SPEG: variants seen among roughly 807,000 people sequenced by gnomAD.
The protein encoded by SPEG is striated muscle enriched protein kinase, also known as striated muscle preferentially expressed protein kinase.
A neutral mutation model predicts 300.4 loss-of-function variants in SPEG; 114 were observed. The ratio of observed to expected loss-of-function variants is 0.38; its 90% confidence interval spans 0.33 to 0.44. The LOEUF (loss-of-function observed/expected upper bound fraction) is 0.44, where lower values mean the gene tolerates loss of function less well. Ranked by LOEUF, SPEG falls within the 20% of genes least tolerant of loss-of-function variation. SPEG has a pLI of 1.00. For missense variants in SPEG, 4,201 were observed against 4,586.2 expected (o/e 0.92, Z 2.43); for synonymous variants, 1,964 against 2,018.9 (o/e 0.97, Z 0.73).
In SPEG at chr2:219,444,760, A is replaced by T. The variant is rs1301512923; in HGVS notation, c.478+18A>T. On this transcript the variant is annotated intron_variant, in intron 2 of 40. Coordinates refer to ENST00000312358, the MANE Select transcript of SPEG (RefSeq NM_005876.5). This position sits in a 1 kb window ranked among gnomAD's most constrained non-coding sequence, Gnocchi z 7.8. Reference sequence around the variant, plus strand: ...CCCCACGGGTGAGCTCCTGGGGTGTACAAAGAGCAGGCAGGCGGGTTTTCC... The same window carrying T: ...CCCCACGGGTGAGCTCCTGGGGTGTTCAAAGAGCAGGCAGGCGGGTTTTCC... The T allele has an allele frequency of 6.2e-7, 1 of 1,613,462 alleles. No individual in the cohort carries two copies. The highest frequency in any genetic ancestry group is 8.5e-7 in the Non-Finnish European group (1 of 1,179,688).
At position 219,473,314 on chromosome 2, in the gene SPEG, C is replaced by T. The variant is rs1692057057; in HGVS notation, c.4148-190C>T. 4.0e-6 allele frequency: 3 copies of T among 751,166 alleles called. No homozygotes were observed. The East Asian group carries it at 8.1e-5, about 20-fold the overall frequency. The allele number at this position is 751,166 out of a possible 1,614,324, so 46.5% of individuals were successfully genotyped here. On this transcript the variant is annotated intron_variant, in intron 16 of 40. Transcript: ENST00000312358. This position sits in a 1 kb window ranked among gnomAD's most constrained non-coding sequence, Gnocchi z 4.6. ...GCTTTGGGATCGGGCCTGCTGGGGT[C>T]CAACCCCACAACCTCAGCTTTGCTG...
chr2:219,488,576 G>A lies in SPEG; in HGVS notation c.7937G>A (p.Arg2646Gln), dbSNP rs201143360. 48 of 1,612,132 alleles carry A rather than the reference G, an allele frequency of 3.0e-5. No individual in the cohort carries two copies. In the South Asian group the frequency reaches 4.6e-4, roughly 16 times the overall value. ...GGGCGGCAGCTGCTCAGCATCCCCC[G>A]GGCGGGCAAGCGGCACGCCGGTCTC... ...KDGRQLLSIP[R>Q]AGKRHAGLYE... Residue 2646 changes from arginine to glutamine, a missense_variant, in exon 33 of 41, where the codon CGG (arginine) becomes CAG (glutamine). This residue lies in a region of SPEG where 1,578 missense variants were observed against 1,506.0 expected (regional missense o/e 1.05). Coordinates refer to ENST00000312358, the MANE Select transcript of SPEG (RefSeq NM_005876.5).
Position 219,491,869 on chromosome 2 carries a change from T to C in SPEG, c.9461T>C (p.Met3154Thr). Residue 3154 changes from methionine (M) to threonine (T), a missense_variant and splice_region_variant, in exon 39 of 41, where the codon ATG (methionine) becomes ACG (threonine). Physicochemically the swap from Met to Thr is moderately conservative, Grantham distance 81. Around this residue, in one of 4 missense-constraint regions of SPEG, gnomAD observed 318 missense variants for 429.5 expected, o/e 0.74. Transcript: ENST00000312358. ...IWGAGVLTYI[M>T]LSGRSPFYEP... ...GGAGCGGGTGTGCTCACTTACATTA[T>C]GTGAGTGTCCCCTACCCCACCGCAG... 6.2e-7 allele frequency: 1 copy of C among 1,601,516 alleles called. No individual in the cohort carries two copies. The highest frequency in any genetic ancestry group is 8.5e-7 in the Non-Finnish European group (1 of 1,172,070).
chr2:219,473,183 T>C lies in SPEG; in HGVS notation c.4147+87T>C, dbSNP rs1418681805. 2 of 1,318,266 alleles carry C rather than the reference T, an allele frequency of 1.5e-6. No homozygotes were observed. Among genetic ancestry groups the C allele is most frequent in the Admixed American group, 2.1e-5 (1 of 48,720 alleles). 81.7% of individuals were successfully genotyped at this position (1,318,266 alleles called of 1,614,324 possible). ...TGTGGTGGAGGCTCAAGGGATGGCC[T>C]GGACATGGTAACTGGCAGGAGCAGC... is the stretch of plus-strand genomic sequence containing the variant. On this transcript the variant is annotated intron_variant, in intron 16 of 40. Transcript: ENST00000312358. This position sits in a 1 kb window ranked among gnomAD's most constrained non-coding sequence, Gnocchi z 4.6.
intron 31 of SPEG, among the ~76,000 whole-genome samples, chr2:219,487,423 A>G (rs1259143353): frequency 6.6e-6 from 1 of 152,254 alleles, no homozygotes; most frequent in East Asian, 1.9e-4. Context: ...TATGGCAGAC[A>G]CTTTACATGC....
At chr2:219,450,173 C>T (rs908831210) in intron 4 of SPEG, among the ~76,000 whole-genome samples, 2 of 152,120 alleles carry the variant, frequency 1.3e-5, no homozygotes, top group African/African-American at 4.8e-5. Context: ...ATAATTAGGC[C>T]CCTGTCCATC....
Position 219,473,422 on chromosome 2 carries a change from T to G in SPEG, c.4148-82T>G. Reference sequence around the variant, plus strand: ...ATCTGTAAAAACGGAACTCAAGTGTTGATGAGGGGTGTTAGAGGAGTGGTG... The same window carrying G: ...ATCTGTAAAAACGGAACTCAAGTGTGGATGAGGGGTGTTAGAGGAGTGGTG... On this transcript the variant is annotated intron_variant, in intron 16 of 40. Coordinates refer to ENST00000312358, the MANE Select transcript of SPEG (RefSeq NM_005876.5). This position sits in a 1 kb window ranked among gnomAD's most constrained non-coding sequence, Gnocchi z 4.6. 1 of 1,354,800 alleles carries G rather than the reference T, an allele frequency of 7.4e-7. No homozygotes were observed. The highest frequency in any genetic ancestry group is 1.0e-6 in the Non-Finnish European group (1 of 959,262). The allele number at this position is 1,354,800 out of a possible 1,614,324, so 83.9% of individuals were successfully genotyped here.
In SPEG at chr2:219,443,112, C is replaced by G; in HGVS notation, c.389-1541C>G. ...ATTCTGGCTTTTCTCTTTCAGAAAA[C>G]CGGCCATTCCCGCCGGGCCTTTGGC... On this transcript the variant is annotated intron_variant, in intron 1 of 40. Transcript: ENST00000312358. The surrounding 1 kb of genome is among the most constrained non-coding windows in gnomAD (Gnocchi z 4.6). 1 of 1,612,466 alleles carries G rather than the reference C, an allele frequency of 6.2e-7. No individual in the cohort carries two copies. Among genetic ancestry groups the G allele is most frequent in the Non-Finnish European group, 8.5e-7 (1 of 1,179,656 alleles).
chr2:219,474,689 C>G (rs1692184563), intron 18 of SPEG, among the ~76,000 whole-genome samples: 1 of 152,108 alleles, frequency 6.6e-6, no homozygotes, highest in Non-Finnish European at 1.5e-5. Flanking sequence ...TTTAAAGAAA[C>G]CCATGGGCAC....
chr2:219,485,246 G>A, intron 30 of SPEG, 100 bp from the exon 31 acceptor site: 1 of 1,514,992 alleles, frequency 6.6e-7, no homozygotes, highest in Non-Finnish European at 8.9e-7. Flanking sequence ...GGGCTGGGTG[G>A]GCTAGGGGTT....
chr2:219,449,360 G>A, intron 4 of SPEG, 89 bp downstream of exon 4: 2 of 1,128,822 alleles, frequency 1.8e-6, no homozygotes, highest in Middle Eastern at 3.2e-4. Context: ...GAGCCGGGGG[G>A]TCGGGGGTTT....
At position 219,481,248 on chromosome 2, in the gene SPEG, T is replaced by C; in HGVS notation, c.5370-56T>C. 3.2e-6 allele frequency: 5 copies of C among 1,570,334 alleles called. No individual in the cohort carries two copies. Among genetic ancestry groups the C allele is most frequent in the Non-Finnish European group, 2.6e-6 (3 of 1,148,936 alleles). ...TCTGTCCCCAGCCCTGTGCCCCCAC[T>C]GACATTCCCCTTTGTCCCCGCCTGC... On this transcript the variant is annotated intron_variant, in intron 26 of 40. Coordinates refer to ENST00000312358, the MANE Select transcript of SPEG (RefSeq NM_005876.5). The surrounding 1 kb of genome is among the most constrained non-coding windows in gnomAD (Gnocchi z 5.4).
Position 219,477,893 on chromosome 2 carries a change from T to G in SPEG, c.4827-12T>G, listed in dbSNP as rs761238650. The G allele has an allele frequency of 5.6e-6, 9 of 1,613,076 alleles. No individual in the cohort carries two copies. Among genetic ancestry groups the G allele is most frequent in the Non-Finnish European group, 7.6e-6 (9 of 1,179,216 alleles). ...GATGGCTGATCTCTGACCCCCTCCC[T>G]GTGTCAACCAGGGGTGCTTTCTCCT... On this transcript the variant is annotated splice_polypyrimidine_tract_variant and intron_variant, in intron 21 of 40. Transcript: ENST00000312358. The surrounding 1 kb of genome is among the most constrained non-coding windows in gnomAD (Gnocchi z 6.4).
At chr2:219,467,959 A>G (rs114190942) in intron 10 of SPEG, among the ~76,000 whole-genome samples, 185 of 152,368 alleles carry the variant, frequency 1.2e-3, no homozygotes, top group African/African-American at 3.8e-3. Context: ...CACTGATGCT[A>G]TCTCTGACCT....
chr2:219,466,423 T>C (rs1277070850), intron 9 of SPEG: 1 of 1,284,620 alleles, frequency 7.8e-7, no homozygotes, highest in Non-Finnish European at 9.9e-7. Flanking sequence ...TATCTGTTTG[T>C]CTGTCTGTGT....
At chr2:219,442,516 G>T (rs1688998926) in intron 1 of SPEG, among the ~76,000 whole-genome samples, 1 of 126,626 alleles carries the variant, frequency 7.9e-6, no homozygotes, top group Non-Finnish European at 1.6e-5. Flanking sequence ...ACACGGATCC[G>T]CGCTGAGCTC....
At chr2:219,456,734 C>T (rs1575081485) in intron 6 of SPEG, among the ~76,000 whole-genome samples, 2 of 152,010 alleles carry the variant, frequency 1.3e-5, no homozygotes, top group South Asian at 4.2e-4. Flanking sequence ...ATAGTGAAAC[C>T]CTGTCTCTAC....
rs371299813 is a variant in SPEG, at chr2:219,463,381, T to G, written c.2705+995T>G. ...TTTTCATTTTTAATTGATTGTCTGG[T>G]CCCCACTGTGATTTTTTTTTTTTTT... On this transcript the variant is annotated intron_variant, in intron 8 of 40. Transcript: ENST00000312358. Among the ~76,000 whole-genome samples the G allele has an allele frequency of 1.4e-4, 20 of 140,026 alleles. No individual in the cohort carries two copies. The East Asian group carries it at 3.4e-3, about 24-fold the overall frequency. 91.9% of individuals were successfully genotyped at this position (140,026 alleles called of 152,430 possible).
In SPEG at chr2:219,473,268, G is replaced by A. The variant is rs1482540355; in HGVS notation, c.4147+172G>A. 3 of 767,570 alleles carry A rather than the reference G, an allele frequency of 3.9e-6. No individual in the cohort carries two copies. In the African/African-American group the frequency reaches 5.3e-5, roughly 13 times the overall value. The allele number at this position is 767,570 out of a possible 1,614,324, so 47.5% of individuals were successfully genotyped here. The stretch of plus-strand genomic sequence containing the variant: ...TCCTTCTCCCTCCTGAAAGCAGCAG[G>A]GCACGGTGGCTGAAGCTCAGGCTTT... On this transcript the variant is annotated intron_variant, in intron 16 of 40. Coordinates refer to ENST00000312358, the MANE Select transcript of SPEG (RefSeq NM_005876.5). The surrounding 1 kb of genome is among the most constrained non-coding windows in gnomAD (Gnocchi z 4.6).
Sources: gnomAD v4.1 joint callset for allele counts (sites outside exome capture counted in the v4.1 genomes callset) on GRCh38, gnomAD v4.1.1 for gene constraint, gnomAD v4.1.1 regional missense constraint, Gnocchi (gnomAD v3.1) non-coding constraint, MANE v1.5 for transcripts, NCBI Gene and HGNC (gene_info 2026-07-23, HGNC 2026-07-21) for gene names.